Variants in SNTG2 observed in about 807,000 individuals in gnomAD.
The protein encoded by SNTG2 is gamma-2-syntrophin.
SNTG2 carries 74 observed loss-of-function variants against 70.9 expected under a neutral mutation model. The observed-to-expected ratio is 1.04, with a 90% CI of 0.86 to 1.27. The LOEUF is 1.27. SNTG2 is among the 50% of genes most tolerant of loss of function. The probability of loss-of-function intolerance (pLI) is 0.00; values close to 1 mark genes in which losing one functional copy is unlikely to be tolerated. For missense variants in SNTG2, 717 were observed against 690.7 expected (o/e 1.04, Z -0.43); for synonymous variants, 278 against 273.8 (o/e 1.02, Z -0.15).
chr2:1,000,447 C>T (rs1661828972), intron 1 of SNTG2, among the ~76,000 whole-genome samples: 1 of 151,768 alleles, frequency 6.6e-6, no homozygotes, highest in Non-Finnish European at 1.5e-5. Context: ...GACACTACAA[C>T]TGATATCACA....
intron 14 of SNTG2, among the ~76,000 whole-genome samples, chr2:1,279,133 C>T (rs1679414093): frequency 6.6e-6 from 1 of 151,866 alleles, no homozygotes; most frequent in African/African-American, 2.4e-5. Context: ...CCCGTCAGTG[C>T]GCGAATCACC....
intron 1 of SNTG2, among the ~76,000 whole-genome samples, chr2:990,792 T>G (rs150125878): frequency 1.3e-5 from 2 of 152,148 alleles, no homozygotes; most frequent in Non-Finnish European, 2.9e-5. Context: ...ACAATAACTC[T>G]TTTTATATCA....
intron 1 of SNTG2, among the ~76,000 whole-genome samples, chr2:1,048,103 C>A (rs1316321699): frequency 1.3e-5 from 2 of 152,128 alleles, no homozygotes; most frequent in East Asian, 3.9e-4. Context: ...TAGTCTTCAT[C>A]CCTATTTCAA....
chr2:1,076,025 G>A (rs1009810393), intron 1 of SNTG2, among the ~76,000 whole-genome samples: 3 of 152,210 alleles, frequency 2.0e-5, no homozygotes, highest in South Asian at 2.1e-4. Flanking sequence ...GGCAGACGTC[G>A]TCGGACGTGT....
chr2:1,078,491 A>T (rs1255887439), intron 1 of SNTG2, among the ~76,000 whole-genome samples: 1 of 152,056 alleles, frequency 6.6e-6, no homozygotes, highest in Non-Finnish European at 1.5e-5. Context: ...ATTGCAGGAC[A>T]GCTGGGCAGG....
chr2:1,238,396 A>C (rs1676826488), intron 10 of SNTG2, among the ~76,000 whole-genome samples: 1 of 151,302 alleles, frequency 6.6e-6, no homozygotes, highest in African/African-American at 2.4e-5. Flanking sequence ...GGGGAAACCT[A>C]ATTGAGTTAA....
chr2:1,017,971 A>G (rs1210981404), intron 1 of SNTG2, among the ~76,000 whole-genome samples: 1 of 152,128 alleles, frequency 6.6e-6, no homozygotes, highest in Non-Finnish European at 1.5e-5. Flanking sequence ...GCCCCACGCC[A>G]TCTCCAGTTG....
chr2:987,477 T>G (rs1438985444), intron 1 of SNTG2, among the ~76,000 whole-genome samples: 1 of 151,786 alleles, frequency 6.6e-6, no homozygotes, highest in Admixed American at 6.6e-5. Context: ...GGGGCAGGAT[T>G]GTCAGCGTCA....
chr2:1,222,049 C>CTCTG (rs1229293019), intron 9 of SNTG2, among the ~76,000 whole-genome samples: 1 of 32,774 alleles, frequency 3.1e-5, no homozygotes, highest in Non-Finnish European at 5.5e-5. Context: ...CTCTCTCTGT[C>CTCTG]TCTCTCTGTC....
At chr2:1,132,750 T>A (rs986364411) in intron 4 of SNTG2, among the ~76,000 whole-genome samples, 1 of 152,072 alleles carries the variant, frequency 6.6e-6, no homozygotes, top group Non-Finnish European at 1.5e-5. Flanking sequence ...GTTAGCTGAG[T>A]GTACATGATA....
intron 4 of SNTG2, among the ~76,000 whole-genome samples, chr2:1,125,817 A>G (rs1667664176): frequency 6.6e-6 from 1 of 152,180 alleles, no homozygotes; most frequent in Non-Finnish European, 1.5e-5. Flanking sequence ...GAATGACAGA[A>G]GTAGACAGTA....
chr2:1,083,460 C>T lies in SNTG2; in HGVS notation c.73-58C>T, dbSNP rs546249278. 1.7e-4 allele frequency: 266 copies of T among 1,599,076 alleles called. 2 individuals are homozygous for T. The highest frequency in any genetic ancestry group is 7.9e-4 in the Admixed American group (47 of 59,692). ...GAGCAGGAGGCGTGCGTCACCTATC[C>T]CCACCCCTGGCTCCTGCCCTCACAC... On this transcript the variant is annotated intron_variant, in intron 1 of 16. Transcript: ENST00000308624.
chr2:1,179,439 C>T (rs1671711718), intron 8 of SNTG2, among the ~76,000 whole-genome samples: 1 of 152,040 alleles, frequency 6.6e-6, no homozygotes, highest in South Asian at 2.1e-4. Context: ...AACAGGGAGC[C>T]AAATCATGAG....
At chr2:1,036,211 AAG>A (rs1661119982) in intron 1 of SNTG2, among the ~76,000 whole-genome samples, 1 of 152,180 alleles carries the variant, frequency 6.6e-6, no homozygotes, top group Admixed American at 6.5e-5. Flanking sequence ...CTTGGAGAGA[AAG>A]AGATATTCTG....
chr2:1,120,875 A>AGGACT (rs1462780625), intron 4 of SNTG2, among the ~76,000 whole-genome samples: 1 of 152,196 alleles, frequency 6.6e-6, no homozygotes, highest in Non-Finnish European at 1.5e-5. Context: ...AAGAAAATAC[A>AGGACT]GGACTTGAAT....
intron 8 of SNTG2, among the ~76,000 whole-genome samples, chr2:1,191,854 A>G (rs1672611915): frequency 6.6e-6 from 1 of 152,006 alleles, no homozygotes; most frequent in Non-Finnish European, 1.5e-5. Context: ...TTTTAATTTT[A>G]TGCTTTATAA....
intron 12 of SNTG2, among the ~76,000 whole-genome samples, chr2:1,256,005 G>A (rs1286342405): frequency 6.7e-6 from 1 of 148,560 alleles, no homozygotes; most frequent in East Asian, 2.0e-4. Flanking sequence ...TTAAGGACAG[G>A]TATATATTCC....
chr2:1,113,716 G>A (rs1666698422), intron 4 of SNTG2, among the ~76,000 whole-genome samples: 1 of 148,122 alleles, frequency 6.8e-6, no homozygotes, highest in Admixed American at 6.7e-5. Flanking sequence ...CATGGGTACT[G>A]AGGATTAACC....
At chr2:1,222,435 A>AATGAAC (rs1380056751) in intron 9 of SNTG2, among the ~76,000 whole-genome samples, 1 of 152,240 alleles carries the variant, frequency 6.6e-6, no homozygotes, top group East Asian at 1.9e-4. Context: ...TTGTGATGAA[A>AATGAAC]ATGAACAGGA....
Sources: gnomAD v4.1 joint callset for allele counts (sites outside exome capture counted in the v4.1 genomes callset) on GRCh38, gnomAD v4.1.1 for gene constraint, MANE v1.5 for transcripts, NCBI Gene and HGNC (gene_info 2026-07-23, HGNC 2026-07-21) for gene names.